The following DGKI variants were observed in gnomAD, a reference collection of about 807,000 sequenced individuals.
DGKI encodes the protein DAG kinase iota.
In DGKI, 55 loss-of-function variants were observed where a neutral mutation model predicts 147.5. The observed-to-expected ratio is 0.37, with a 90% confidence interval of 0.30 to 0.47. The LOEUF is 0.47. DGKI is among the 20% of genes least tolerant of loss of function. DGKI has a pLI of 1.00. For missense variants in DGKI, 1,007 were observed against 1,323.8 expected, an observed-to-expected ratio of 0.76 and a Z score of 3.71; for synonymous variants, 469 against 477.1, an observed-to-expected ratio of 0.98 and a Z score of 0.22.
At chr7:137,830,859 G>T (rs1798197344) in intron 1 of DGKI, among the ~76,000 whole-genome samples, 1 of 152,168 alleles carries the variant, frequency 6.6e-6, no homozygotes, top group Non-Finnish European at 1.5e-5. Flanking sequence ...GGGGCTTTGG[G>T]TGACTTAGAA....
intron 21 of DGKI, among the ~76,000 whole-genome samples, chr7:137,519,222 G>A (rs1816879847): frequency 6.6e-6 from 1 of 152,076 alleles, no homozygotes; most frequent in Admixed American, 6.6e-5. Context: ...CTCTTTCTCT[G>A]TGCTAAAATA....
chr7:137,471,681 T>G (rs1043522824), intron 23 of DGKI, among the ~76,000 whole-genome samples: 10 of 152,026 alleles, frequency 6.6e-5, no homozygotes, highest in Non-Finnish European at 1.5e-4. Context: ...TGCATCTTAG[T>G]AAACTAGAAA....
At chr7:137,446,238 T>TC (rs1217034332) in intron 27 of DGKI, among the ~76,000 whole-genome samples, 1 of 152,126 alleles carries the variant, frequency 6.6e-6, no homozygotes, top group Non-Finnish European at 1.5e-5. Context: ...TCCGTTAGAG[T>TC]CCCAAGGGGA....
chr7:137,484,467 T>C (rs972900558), intron 23 of DGKI, among the ~76,000 whole-genome samples: 1 of 152,034 alleles, frequency 6.6e-6, no homozygotes, highest in African/African-American at 2.4e-5. Flanking sequence ...AGAGAATTGT[T>C]GGCATGCTGT....
intron 17 of DGKI, among the ~76,000 whole-genome samples, 192 bp downstream of exon 17, chr7:137,577,030 T>C (rs899418236): frequency 6.6e-6 from 1 of 152,196 alleles, no homozygotes; most frequent in African/African-American, 2.4e-5. Flanking sequence ...AACTAGTCTT[T>C]TCATTTATCT....
intron 21 of DGKI, among the ~76,000 whole-genome samples, chr7:137,511,990 C>T (rs989985617): frequency 5.9e-5 from 9 of 152,176 alleles, no homozygotes; most frequent in African/African-American, 2.2e-4. Context: ...TCAACATCTC[C>T]CTCTTCCTGG....
At chr7:137,696,772 C>T (rs1210429819) in intron 1 of DGKI, among the ~76,000 whole-genome samples, 2 of 151,994 alleles carry the variant, frequency 1.3e-5, no homozygotes, top group Non-Finnish European at 1.5e-5. Context: ...CCCAAAGTTC[C>T]CATGTTGAAG....
chr7:137,605,774 G>A (rs1820163829), intron 10 of DGKI, among the ~76,000 whole-genome samples: 1 of 152,170 alleles, frequency 6.6e-6, no homozygotes, highest in Non-Finnish European at 1.5e-5. Context: ...TCTGACAGAG[G>A]TAGAGAGTAG....
intron 1 of DGKI, among the ~76,000 whole-genome samples, chr7:137,798,576 C>T (rs780838014): frequency 3.9e-5 from 6 of 152,036 alleles, no homozygotes; most frequent in Non-Finnish European, 8.8e-5. Flanking sequence ...TGCACCATCA[C>T]GCCTAGCTAA....
intron 1 of DGKI, among the ~76,000 whole-genome samples, chr7:137,709,792 G>T (rs1794161699): frequency 6.6e-6 from 1 of 151,812 alleles, no homozygotes; most frequent in Admixed American, 6.6e-5. Flanking sequence ...ATCATAAATA[G>T]AATATAAAAT....
intron 1 of DGKI, among the ~76,000 whole-genome samples, chr7:137,784,991 T>C (rs1428435137): frequency 1.3e-5 from 2 of 152,004 alleles, no homozygotes; most frequent in African/African-American, 2.4e-5. Context: ...GGAAAGTTCA[T>C]AGCATTAAAT....
intron 21 of DGKI, among the ~76,000 whole-genome samples, chr7:137,515,984 C>T (rs916061558): frequency 3.8e-4 from 58 of 151,976 alleles, no homozygotes; most frequent in Non-Finnish European, 1.5e-4. Context: ...AAGGACAATG[C>T]CCTTCAGAGG....
chr7:137,758,109 G>A (rs2116790951), intron 1 of DGKI, among the ~76,000 whole-genome samples: 1 of 152,250 alleles, frequency 6.6e-6, no homozygotes, highest in East Asian at 1.9e-4. Context: ...TGCTTATTTG[G>A]AAGGAAAGAG....
intron 1 of DGKI, among the ~76,000 whole-genome samples, chr7:137,809,903 G>GA (rs72309821): frequency 1.6e-4 from 23 of 146,718 alleles, no homozygotes; most frequent in South Asian, 2.2e-4. Context: ...AACCCAGTTG[G>GA]AAAAAAAAAA....
At chr7:137,755,464 A>C (rs1795649071) in intron 1 of DGKI, among the ~76,000 whole-genome samples, 1 of 152,196 alleles carries the variant, frequency 6.6e-6, no homozygotes, top group Non-Finnish European at 1.5e-5. Context: ...TTCAGGCTTA[A>C]AAATTGCTTC....
intron 21 of DGKI, among the ~76,000 whole-genome samples, chr7:137,509,552 TG>T (rs778112292): frequency 6.6e-6 from 1 of 152,144 alleles, no homozygotes; most frequent in African/African-American, 2.4e-5. Flanking sequence ...CATGGACTTG[TG>T]GCCTGCTGAG....
intron 19 of DGKI, among the ~76,000 whole-genome samples, chr7:137,567,016 G>A (rs1178860975): frequency 1.3e-5 from 2 of 151,860 alleles, no homozygotes; most frequent in African/African-American, 4.9e-5. Context: ...TGTAACCCAA[G>A]CATTTTGAGA....
At chr7:137,767,220 CA>C (rs1303706205) in intron 1 of DGKI, among the ~76,000 whole-genome samples, 1 of 152,136 alleles carries the variant, frequency 6.6e-6, no homozygotes, top group East Asian at 1.9e-4. Context: ...GTATGAAAGA[CA>C]GGGCCAAAGT....
intron 3 of DGKI, among the ~76,000 whole-genome samples, chr7:137,666,903 T>C (rs1266436936): frequency 6.6e-6 from 1 of 152,216 alleles, no homozygotes. Flanking sequence ...TTCTCTGTAC[T>C]TTGTTGCCCT....
Sources: gnomAD v4.1 joint callset for allele counts (sites outside exome capture counted in the v4.1 genomes callset) on GRCh38, gnomAD v4.1.1 for gene constraint, MANE v1.5 for transcripts, NCBI Gene and HGNC (gene_info 2026-07-23, HGNC 2026-07-21) for gene names.